Variants in TRERF1 observed in about 807,000 individuals in gnomAD.
TRERF1 encodes the protein transcriptional regulating factor 1.
Under a neutral mutation model 122.9 loss-of-function variants are expected in TRERF1, and 27 were observed. That is an observed-to-expected ratio of 0.22 (90% CI 0.16 to 0.30). The LOEUF (loss-of-function observed/expected upper bound fraction) is 0.30, where lower values mean the gene tolerates loss of function less well. Among genes scored for constraint, TRERF1 ranks in the 10% least tolerant of loss-of-function variants. The pLI, the probability that TRERF1 is intolerant of heterozygous loss-of-function variation, is 1.00. For synonymous variants in TRERF1, 636 were observed against 641.7 expected, an observed-to-expected ratio of 0.99 and a Z score of 0.13; for missense variants, 1,248 against 1,560.3, an observed-to-expected ratio of 0.80 and a Z score of 3.37.
exon 18 of TRERF1, chr6:42,226,957 G>C (rs1008750162): frequency 6.6e-6 from 1 of 152,260 alleles, no homozygotes; most frequent in Non-Finnish European, 1.5e-5. Context: ...TACTGGCGCT[G>C]TGTCCCAGCC....
intron 13 of TRERF1, among the ~76,000 whole-genome samples, chr6:42,248,065 T>G (rs552651548): frequency 6.2e-4 from 95 of 152,198 alleles, no homozygotes; most frequent in Non-Finnish European, 9.1e-4. Flanking sequence ...AATCGCCTCT[T>G]TCTTTGTAGG....
intron 9 of TRERF1, among the ~76,000 whole-genome samples, chr6:42,258,910 T>A (rs1777271468): frequency 6.6e-6 from 1 of 152,174 alleles, no homozygotes; most frequent in African/African-American, 2.4e-5. Flanking sequence ...AATTTTTGTA[T>A]TTTTAGTAGA....
At chr6:42,368,079 G>A (rs1773088740) in intron 2 of TRERF1, among the ~76,000 whole-genome samples, 1 of 152,028 alleles carries the variant, frequency 6.6e-6, no homozygotes, top group South Asian at 2.1e-4. Flanking sequence ...GACACAATCT[G>A]TGTCTCATCT....
chr6:42,228,195 A>C lies in TRERF1; in HGVS notation c.*150T>G. ...ATTTTTTTAAATAAAAGGAAAAGAAATAGGATTTTTTTTTCTAAACCTGAA... is the reference window on the plus strand; with the variant it reads ...ATTTTTTTAAATAAAAGGAAAAGAACTAGGATTTTTTTTTCTAAACCTGAA... On this transcript the variant is annotated 3_prime_UTR_variant, in exon 18 of 18. Transcript: ENST00000372922. This position sits in a 1 kb window ranked among gnomAD's most constrained non-coding sequence, Gnocchi z 4.2. The C allele has an allele frequency of 1.4e-6, 1 of 691,312 alleles. No individual in the cohort carries two copies. The highest frequency in any genetic ancestry group is 2.2e-6 in the Non-Finnish European group (1 of 461,866). 42.8% of individuals were successfully genotyped at this position (691,312 alleles called of 1,614,324 possible). A position where few individuals can be genotyped will look rare whatever the true frequency, so the allele number is the denominator to read the frequency against.
intron 2 of TRERF1, among the ~76,000 whole-genome samples, chr6:42,398,187 G>A (rs539368885): frequency 1.3e-5 from 2 of 152,288 alleles, no homozygotes; most frequent in East Asian, 3.9e-4. Flanking sequence ...TATGCGGACT[G>A]GATGAACATA....
intron 3 of TRERF1, among the ~76,000 whole-genome samples, chr6:42,307,285 C>T (rs139188003): frequency 4.9e-4 from 75 of 152,248 alleles, no homozygotes; most frequent in African/African-American, 1.7e-3. Flanking sequence ...TAAGTGCTCC[C>T]CACACGGCCT....
intron 3 of TRERF1, among the ~76,000 whole-genome samples, chr6:42,317,087 C>G (rs559111432): frequency 6.6e-6 from 1 of 152,126 alleles, no homozygotes; most frequent in Non-Finnish European, 1.5e-5. Flanking sequence ...TTTTCCACAC[C>G]CCTACGATTT....
At chr6:42,407,345 T>C (rs1026051824) in intron 2 of TRERF1, among the ~76,000 whole-genome samples, 2 of 152,208 alleles carry the variant, frequency 1.3e-5, no homozygotes, top group African/African-American at 4.8e-5. Flanking sequence ...GGCTGCCCTG[T>C]TTGGGGCTGT....
In TRERF1 at chr6:42,263,394, T is replaced by C; in HGVS notation, c.1810A>G (p.Asn604Asp). The stretch of plus-strand genomic sequence containing the variant: ...GCGGAGGGGGCGGCAACGGTGCTGT[T>C]GGTGAACCCCTGAGAGCTGGGCTTG... The change falls in exon 8 of 18, where the codon AAC becomes GAC. Residue 604 changes from asparagine (N) to aspartate (D), a missense_variant. By Grantham distance (23) the Asn-to-Asp change is conservative. Transcript: ENST00000372922. This position sits in a 1 kb window ranked among gnomAD's most constrained non-coding sequence, Gnocchi z 5.6. 1 of 1,612,628 alleles carries C rather than the reference T, an allele frequency of 6.2e-7. No individual in the cohort carries two copies. Among genetic ancestry groups the C allele is most frequent in the South Asian group, 1.1e-5 (1 of 90,564 alleles).
At chr6:42,277,716 G>A (rs924748056) in intron 4 of TRERF1, among the ~76,000 whole-genome samples, 4 of 151,978 alleles carry the variant, frequency 2.6e-5, no homozygotes, top group Non-Finnish European at 4.4e-5. Context: ...AGTGGCGTGC[G>A]CCTGTAGTCC....
At chr6:42,410,767 A>G (rs1310526894) in intron 2 of TRERF1, among the ~76,000 whole-genome samples, 1 of 152,336 alleles carries the variant, frequency 6.6e-6, no homozygotes, top group East Asian at 1.9e-4. Flanking sequence ...GCTAACTACT[A>G]TGGCTACTGG....
At chr6:42,333,694 G>A (rs557704777) in intron 3 of TRERF1, among the ~76,000 whole-genome samples, 1 of 152,302 alleles carries the variant, frequency 6.6e-6, no homozygotes, top group Admixed American at 6.5e-5. Context: ...AGATCCAAAA[G>A]GGGCCCCATG....
chr6:42,336,083 T>C (rs1766118394), intron 3 of TRERF1, among the ~76,000 whole-genome samples: 1 of 152,228 alleles, frequency 6.6e-6, no homozygotes, highest in South Asian at 2.1e-4. Context: ...AATAGCCACA[T>C]GTGGCTACCA....
chr6:42,237,144 C>G (rs1217979624), intron 15 of TRERF1, among the ~76,000 whole-genome samples: 4 of 152,204 alleles, frequency 2.6e-5, no homozygotes, highest in Non-Finnish European at 5.9e-5. Flanking sequence ...AAAACTTTTC[C>G]TATGAATAAT....
At chr6:42,255,152 A>C (rs142459750) in intron 12 of TRERF1, among the ~76,000 whole-genome samples, 34 of 152,326 alleles carry the variant, frequency 2.2e-4, no homozygotes, top group African/African-American at 7.7e-4. Flanking sequence ...CCAGTTGTTC[A>C]TGTCACAGGA....
chr6:42,326,282 A>G (rs1024420809), intron 3 of TRERF1, among the ~76,000 whole-genome samples: 4 of 152,166 alleles, frequency 2.6e-5, no homozygotes, highest in Non-Finnish European at 4.4e-5. Flanking sequence ...TAGCAATGCA[A>G]ATGAATCAAA....
At position 42,276,745 on chromosome 6, in the gene TRERF1, C is replaced by T. The variant is rs915653072; in HGVS notation, c.-258-6897G>A. On this transcript the variant is annotated intron_variant, in intron 4 of 17. Transcript: ENST00000372922. The surrounding 1 kb of genome is among the most constrained non-coding windows in gnomAD (Gnocchi z 4.3). ...CCCTGCAGTGAGTGGTTTGCTCTTA[C>T]TCCTTCACAGCCCTGGCTTTCCTGC... Among the ~76,000 whole-genome samples the T allele has an allele frequency of 1.6e-4, 24 of 152,298 alleles. No homozygotes were observed. The highest frequency in any genetic ancestry group is 5.3e-4 in the African/African-American group (22 of 41,552).
chr6:42,318,766 T>C (rs1250371695), intron 3 of TRERF1, among the ~76,000 whole-genome samples: 1 of 152,264 alleles, frequency 6.6e-6, no homozygotes, highest in Non-Finnish European at 1.5e-5. Flanking sequence ...ATAGAGACCA[T>C]GGCTGCAAGC....
intron 2 of TRERF1, among the ~76,000 whole-genome samples, chr6:42,386,934 C>T (rs1344389087): frequency 6.6e-6 from 1 of 152,112 alleles, no homozygotes; most frequent in Non-Finnish European, 1.5e-5. Flanking sequence ...TTAGCAGTAT[C>T]CCTGGCCTTC....
Sources: gnomAD v4.1 joint callset for allele counts (sites outside exome capture counted in the v4.1 genomes callset) on GRCh38, gnomAD v4.1.1 for gene constraint, Gnocchi (gnomAD v3.1) non-coding constraint, MANE v1.5 for transcripts, NCBI Gene and HGNC (gene_info 2026-07-23, HGNC 2026-07-21) for gene names.